Variants in NIBAN1 observed in about 807,000 individuals in gnomAD.
NIBAN1 encodes the protein niban apoptosis regulator 1.
In NIBAN1, 81 loss-of-function variants were observed where a neutral mutation model predicts 75.1. That is an observed-to-expected ratio of 1.08 (90% CI 0.90 to 1.30). NIBAN1 has a LOEUF of 1.30. NIBAN1 is among the 50% of genes most tolerant of loss of function. The pLI, the probability that NIBAN1 is intolerant of heterozygous loss-of-function variation, is 0.00. For missense variants in NIBAN1, 1,133 were observed against 1,128.1 expected (o/e 1.00, Z -0.06); for synonymous variants, 436 against 424.8 (o/e 1.03, Z -0.32).
rs139942524 is a variant in NIBAN1, at chr1:184,968,553, C to T, written c.55+5749G>A. Reference sequence around the variant, plus strand: ...ACTCTGGAGGAGCTGCAATTTCTCACTTCTTACAAAAGCCTATTCATGTCT... The same window carrying T: ...ACTCTGGAGGAGCTGCAATTTCTCATTTCTTACAAAAGCCTATTCATGTCT... On this transcript the variant is annotated intron_variant, in intron 1 of 13. Transcript: ENST00000367511. Among the ~76,000 whole-genome samples, 4 of 152,292 alleles carry T rather than the reference C, an allele frequency of 2.6e-5. No homozygotes were observed. The East Asian group carries it at 7.7e-4, about 29-fold the overall frequency.
chr1:184,800,619 G>C (rs1405301020), intron 12 of NIBAN1, among the ~76,000 whole-genome samples: 1 of 151,822 alleles, frequency 6.6e-6, no homozygotes, highest in African/African-American at 2.4e-5. Flanking sequence ...TTATTAAATA[G>C]GGAATCCTTT....
chr1:184,831,995 T>G (rs1557881059), intron 5 of NIBAN1, 33 bp from the exon 6 acceptor site: 1 of 1,497,952 alleles, frequency 6.7e-7, no homozygotes, highest in African/African-American at 1.4e-5. Context: ...TTCAGCAAGA[T>G]AAAACACTCT....
chr1:184,855,896 G>A (rs1655664509), intron 5 of NIBAN1, among the ~76,000 whole-genome samples: 1 of 152,138 alleles, frequency 6.6e-6, no homozygotes, highest in Non-Finnish European at 1.5e-5. Flanking sequence ...TAATGTATAA[G>A]TATTCATCTA....
At chr1:184,833,763 T>TG (rs1655059757) in intron 5 of NIBAN1, among the ~76,000 whole-genome samples, 2 of 151,772 alleles carry the variant, frequency 1.3e-5, no homozygotes, top group African/African-American at 2.4e-5. Context: ...GTAACTGACA[T>TG]TTCCAATAGT....
intron 5 of NIBAN1, among the ~76,000 whole-genome samples, chr1:184,883,061 A>G (rs183568241): frequency 8.1e-4 from 124 of 152,282 alleles, no homozygotes; most frequent in Non-Finnish European, 1.6e-3. Context: ...TAAAACCAAG[A>G]GTTAGTTGAG....
chr1:184,806,208 C>T, intron 10 of NIBAN1, 152 bp from the exon 11 acceptor site: 1 of 611,158 alleles, frequency 1.6e-6, no homozygotes, highest in Admixed American at 2.9e-5. Context: ...AACATCACCC[C>T]ATCACCAGGG....
intron 1 of NIBAN1, among the ~76,000 whole-genome samples, chr1:184,955,920 T>G (rs1489875132): frequency 6.6e-6 from 1 of 152,142 alleles, no homozygotes; most frequent in Non-Finnish European, 1.5e-5. Context: ...TCCTCCACTG[T>G]CTATCTGCCC....
intron 2 of NIBAN1, among the ~76,000 whole-genome samples, chr1:184,898,565 G>A (rs1046560280): frequency 3.5e-4 from 53 of 152,238 alleles, no homozygotes; most frequent in Admixed American, 9.8e-4. Context: ...GCAGTGAGCC[G>A]CGATTGTATC....
At chr1:184,973,916 C>G (rs1299548577) in intron 1 of NIBAN1, among the ~76,000 whole-genome samples, 1 of 152,260 alleles carries the variant, frequency 6.6e-6, no homozygotes, top group Non-Finnish European at 1.5e-5. Flanking sequence ...AGGGGTATCT[C>G]TAGAAACGCG....
At chr1:184,813,538 A>G (rs595769) in intron 9 of NIBAN1, among the ~76,000 whole-genome samples, 127,499 of 152,142 alleles carry the variant, frequency 0.84, 54,053 homozygotes, top group African/African-American at 0.96. Context: ...CCCTAGCTAT[A>G]TAAAGAAGGT....
At chr1:184,810,455 C>A (rs1400016887) in intron 9 of NIBAN1, among the ~76,000 whole-genome samples, 1 of 152,148 alleles carries the variant, frequency 6.6e-6, no homozygotes, top group East Asian at 1.9e-4. Context: ...TCTGTTAAAG[C>A]AAACTAAATA....
chr1:184,945,819 C>G (rs1238672806), intron 1 of NIBAN1, among the ~76,000 whole-genome samples: 1 of 152,056 alleles, frequency 6.6e-6, no homozygotes, highest in Non-Finnish European at 1.5e-5. Context: ...AAAGAATCAG[C>G]AGAAACAGCA....
At chr1:184,885,160 T>C (rs1018059728) in intron 4 of NIBAN1, among the ~76,000 whole-genome samples, 1 of 152,172 alleles carries the variant, frequency 6.6e-6, no homozygotes, top group African/African-American at 2.4e-5. Flanking sequence ...ATGATTCTCC[T>C]GCCTCAGCCT....
intron 5 of NIBAN1, chr1:184,867,926 C>T: frequency 2.0e-6 from 2 of 985,396 alleles, no homozygotes; most frequent in Non-Finnish European, 2.4e-6. Context: ...TCCCGTGTCA[C>T]ACAACGGGAC....
chr1:184,963,150 A>G (rs552819890), intron 1 of NIBAN1, among the ~76,000 whole-genome samples: 2 of 152,164 alleles, frequency 1.3e-5, no homozygotes, highest in Non-Finnish European at 2.9e-5. Context: ...CAAGTAGGGT[A>G]TATCTTAGCA....
chr1:184,892,766 G>A (rs539980), intron 3 of NIBAN1, among the ~76,000 whole-genome samples: 55,453 of 151,804 alleles, frequency 0.37, 10,981 homozygotes, highest in South Asian at 0.5. Context: ...AGACTATCTT[G>A]ACTACTCTTT....
chr1:184,835,997 T>C lies in NIBAN1; in HGVS notation c.602-4035A>G, dbSNP rs548254759. The stretch of plus-strand genomic sequence containing the variant: ...CTGTGGGTTTGTCATAAATAGCTCT[T>C]ATTATTTTGAGATATGAAGAATCAA... On this transcript the variant is annotated intron_variant, in intron 5 of 13. Transcript: ENST00000367511. Among the ~76,000 whole-genome samples the C allele has an allele frequency of 3.3e-5, 5 of 152,368 alleles. No individual in the cohort carries two copies. In the East Asian group the frequency reaches 9.6e-4, roughly 29 times the overall value.
At chr1:184,960,580 A>T (rs1215634656) in intron 1 of NIBAN1, among the ~76,000 whole-genome samples, 1 of 152,170 alleles carries the variant, frequency 6.6e-6, no homozygotes, top group Non-Finnish European at 1.5e-5. Flanking sequence ...TACAGCTTAC[A>T]TTCTAGTGGT....
intron 1 of NIBAN1, among the ~76,000 whole-genome samples, chr1:184,949,120 G>A (rs1446601033): frequency 6.6e-6 from 1 of 152,116 alleles, no homozygotes; most frequent in Admixed American, 6.5e-5. Flanking sequence ...TTGGGAGGCC[G>A]AGGCGGGCGG....
Sources: allele counts gnomAD v4.1 joint callset (sites outside exome capture counted in the v4.1 genomes callset), GRCh38; gene constraint gnomAD v4.1.1; transcripts MANE v1.5; gene names NCBI Gene and HGNC (gene_info 2026-07-23, HGNC 2026-07-21).